Variants in RPH3A observed in about 807,000 individuals in gnomAD.
The protein encoded by RPH3A is rabphilin 3A.
In RPH3A, 48 loss-of-function variants were observed where a neutral mutation model predicts 102.2. That is an observed-to-expected ratio of 0.47 (90% confidence interval 0.37 to 0.60). The LOEUF (loss-of-function observed/expected upper bound fraction) is 0.60, where lower values mean the gene tolerates loss of function less well. Ranked by LOEUF, RPH3A falls within the 20% of genes least tolerant of loss-of-function variation. RPH3A has a pLI of 0.00. For missense variants in RPH3A, 781 were observed against 910.1 expected, an observed-to-expected ratio of 0.86 and a Z score of 1.83; for synonymous variants, 310 against 324.3, an observed-to-expected ratio of 0.96 and a Z score of 0.47.
chr12:112,864,766 T>C (rs1334388976), intron 5 of RPH3A, among the ~76,000 whole-genome samples: 1 of 152,232 alleles, frequency 6.6e-6, no homozygotes, highest in Non-Finnish European at 1.5e-5. Context: ...TCTTCCTGCG[T>C]TCTGTTCACC....
rs1593082320 is a variant in RPH3A at position 112,851,691 on chromosome 12, A to G, written c.230+3849A>G. On this transcript the variant is annotated intron_variant, in intron 5 of 21. Transcript: ENST00000389385. ...TGGGCTTCTGCCAGGAGGAATCTAAATCTTCACTCACCACTCAGTTCACAA... is the reference window on the plus strand; with the variant it reads ...TGGGCTTCTGCCAGGAGGAATCTAAGTCTTCACTCACCACTCAGTTCACAA... Among the ~76,000 whole-genome samples the G allele has an allele frequency of 1.3e-5, 2 of 152,186 alleles. 1 individual carries two copies. The highest frequency in any genetic ancestry group is 3.9e-4 in the East Asian group (2 of 5,172).
At chr12:112,896,523 C>T (rs1038512852) in intron 21 of RPH3A, 127 bp from the exon 22 acceptor site, 17 of 1,067,620 alleles carry the variant, frequency 1.6e-5, no homozygotes, top group Non-Finnish European at 2.4e-5. Flanking sequence ...TAACAACTCT[C>T]TATAGAGTAT....
chr12:112,884,276 C>G (rs1593127112), intron 16 of RPH3A, among the ~76,000 whole-genome samples: 1 of 152,108 alleles, frequency 6.6e-6, no homozygotes, highest in African/African-American at 2.4e-5. Flanking sequence ...TGCGTCAGCT[C>G]TTTTTTAAGA....
chr12:112,657,547 A>T (rs977674000), intron 1 of RPH3A, among the ~76,000 whole-genome samples: 1 of 152,208 alleles, frequency 6.6e-6, no homozygotes, highest in Non-Finnish European at 1.5e-5. Context: ...CAAGCAAATG[A>T]GTAATGCGTT....
chr12:112,709,056 C>G (rs1019863814), intron 1 of RPH3A, among the ~76,000 whole-genome samples: 3 of 152,204 alleles, frequency 2.0e-5, no homozygotes, highest in East Asian at 3.9e-4. Context: ...CACCAAAACC[C>G]TAAAACTCTT....
intron 1 of RPH3A, among the ~76,000 whole-genome samples, chr12:112,674,726 A>C (rs1291434255): frequency 1.3e-5 from 2 of 151,704 alleles, no homozygotes; most frequent in African/African-American, 4.9e-5. Context: ...GAGTGTTTTC[A>C]TCCCACATGC....
chr12:112,802,028 A>G (rs2041364768), intron 2 of RPH3A, among the ~76,000 whole-genome samples: 1 of 151,850 alleles, frequency 6.6e-6, no homozygotes, highest in East Asian at 1.9e-4. Context: ...CATTTTTCTT[A>G]TGTGAGTTTC....
At chr12:112,761,143 T>C (rs758844114) in intron 1 of RPH3A, among the ~76,000 whole-genome samples, 13 of 152,226 alleles carry the variant, frequency 8.5e-5, no homozygotes, top group Non-Finnish European at 1.6e-4. Context: ...TCAGGTCATG[T>C]AATCTCTTTT....
intron 1 of RPH3A, among the ~76,000 whole-genome samples, chr12:112,677,356 TCC>T: frequency 4.6e-5 from 1 of 21,906 alleles, no homozygotes; most frequent in East Asian, 1.6e-3. Flanking sequence ...CCTTCCTCCC[TCC>T]CTCCCTCCCT....
At chr12:112,681,631 A>G (rs2040226812) in intron 1 of RPH3A, among the ~76,000 whole-genome samples, 1 of 152,214 alleles carries the variant, frequency 6.6e-6, no homozygotes, top group African/African-American at 2.4e-5. Context: ...AATTATGTTA[A>G]TTTTCATTTT....
intron 1 of RPH3A, among the ~76,000 whole-genome samples, chr12:112,746,098 C>T (rs899236708): frequency 2.0e-5 from 3 of 152,126 alleles, no homozygotes; most frequent in Non-Finnish European, 4.4e-5. Context: ...GTGTGTTTCA[C>T]ATCTTTTTTC....
At chr12:112,777,923 G>A (rs974332331) in intron 1 of RPH3A, among the ~76,000 whole-genome samples, 1 of 152,206 alleles carries the variant, frequency 6.6e-6, no homozygotes, top group Non-Finnish European at 1.5e-5. Context: ...TCTCCAAAAT[G>A]CTTTTTGTCA....
At chr12:112,835,495 T>C (rs2042034531) in intron 3 of RPH3A, among the ~76,000 whole-genome samples, 1 of 152,236 alleles carries the variant, frequency 6.6e-6, no homozygotes, top group Admixed American at 6.5e-5. Context: ...TTCATTAAAG[T>C]GTTCCTCGGC....
intron 1 of RPH3A, among the ~76,000 whole-genome samples, chr12:112,739,605 T>A (rs1197854630): frequency 6.6e-6 from 1 of 152,220 alleles, no homozygotes; most frequent in African/African-American, 2.4e-5. Context: ...GAGCTGTGGT[T>A]TATTTGCTTT....
intron 1 of RPH3A, among the ~76,000 whole-genome samples, chr12:112,770,271 A>G (rs1356283403): frequency 6.6e-6 from 1 of 150,578 alleles, no homozygotes; most frequent in Admixed American, 6.7e-5. Flanking sequence ...TGGCTGTCTC[A>G]GAATTCTGTC....
intron 1 of RPH3A, among the ~76,000 whole-genome samples, chr12:112,738,390 C>A (rs186102831): frequency 6.6e-6 from 1 of 151,948 alleles, no homozygotes; most frequent in Admixed American, 6.6e-5. Context: ...GGTTTATGGC[C>A]CACCCTGATC....
At chr12:112,577,020 C>T (rs2039365280) in intron 1 of RPH3A, among the ~76,000 whole-genome samples, 1 of 150,878 alleles carries the variant, frequency 6.6e-6, no homozygotes, top group African/African-American at 2.4e-5. Flanking sequence ...ATCCTTCTGC[C>T]TCAGCCTCCT....
intron 1 of RPH3A, among the ~76,000 whole-genome samples, chr12:112,703,241 C>T (rs985797986): frequency 6.6e-6 from 1 of 152,314 alleles, no homozygotes; most frequent in East Asian, 1.9e-4. Flanking sequence ...CCAGTGGAGT[C>T]AGATGTGTGA....
At chr12:112,735,760 A>T (rs1176000117) in intron 1 of RPH3A, among the ~76,000 whole-genome samples, 2 of 152,094 alleles carry the variant, frequency 1.3e-5, no homozygotes, top group Non-Finnish European at 2.9e-5. Context: ...ACCTCCCCCC[A>T]AGCCTTTCTT....
Sources: allele counts gnomAD v4.1 joint callset (sites outside exome capture counted in the v4.1 genomes callset), GRCh38; gene constraint gnomAD v4.1.1; transcripts MANE v1.5; gene names NCBI Gene and HGNC (gene_info 2026-07-23, HGNC 2026-07-21).